The following POLR1H variants were observed in gnomAD, a reference collection of about 807,000 sequenced individuals.
The protein encoded by POLR1H is RNA polymerase I subunit H.
A neutral mutation model predicts 15.8 loss-of-function variants in POLR1H; 5 were observed. The ratio of observed to expected loss-of-function variants is 0.32; its 90% CI spans 0.17 to 0.67. The LOEUF (loss-of-function observed/expected upper bound fraction) is 0.67. Among genes scored for constraint, POLR1H ranks in the 30% least tolerant of loss-of-function variants. The probability of loss-of-function intolerance (pLI) is 0.74; values close to 1 mark genes in which losing one functional copy is unlikely to be tolerated. For synonymous variants in POLR1H, 43 were observed against 58.3 expected (o/e 0.74, Z 1.20); for missense variants, 100 against 163.4 (o/e 0.61, Z 2.11).
Position 30,064,694 on chromosome 6 carries a change from T to C in POLR1H, c.378T>C (p.Ser126=), listed in dbSNP as rs1765368809. Residue 126 remains serine, a synonymous_variant, in exon 4 of 4, where the codon TCT becomes TCC. Coordinates refer to ENST00000332435, the MANE Select transcript of POLR1H (RefSeq NM_170783.4). Reference sequence around the variant, plus strand: ...ATAGGTTCCAGGAGAAGGAAGACTCTTGACCTTTTTCCTGGGCAACTCTAC... The same window carrying C: ...ATAGGTTCCAGGAGAAGGAAGACTCCTGACCTTTTTCCTGGGCAACTCTAC... ...TNCKFQEKED[S] The C allele has an allele frequency of 6.2e-7, 1 of 1,609,300 alleles. No individual in the cohort carries two copies. The highest frequency in any genetic ancestry group is 8.5e-7 in the Non-Finnish European group (1 of 1,178,714).
In POLR1H at chr6:30,061,361, C is replaced by G; in HGVS notation, c.-164C>G. 1 of 719,414 alleles carries G rather than the reference C, an allele frequency of 1.4e-6. No individual in the cohort carries two copies. Among genetic ancestry groups the G allele is most frequent in the Non-Finnish European group, 2.2e-6 (1 of 446,228 alleles). 44.6% of individuals were successfully genotyped at this position (719,414 alleles called of 1,614,324 possible). The stretch of plus-strand genomic sequence containing the variant: ...TAGTACCCGACGCTGTCTGGGAATT[C>G]CGGGCGTTTCGGCTCCTTGGTCGCA... On this transcript the variant is annotated 5_prime_UTR_variant, in exon 1 of 4. Transcript: ENST00000332435. This position sits in a 1 kb window ranked among gnomAD's most constrained non-coding sequence, Gnocchi z 5.0.
At position 30,062,375 on chromosome 6, in the gene POLR1H, A is replaced by G. The variant is rs769872721; in HGVS notation, c.356+42A>G. ...CTCCCTCTGCTCAGTCTGTTTGCTA[A>G]CTAAACAAATCCAGTGATTTATTTT... On this transcript the variant is annotated intron_variant, in intron 3 of 3. Coordinates refer to ENST00000332435, the MANE Select transcript of POLR1H (RefSeq NM_170783.4). 5 of 1,353,800 alleles carry G rather than the reference A, an allele frequency of 3.7e-6. No homozygotes were observed. The East Asian group carries it at 6.9e-5, about 19-fold the overall frequency. The allele number at this position is 1,353,800 out of a possible 1,614,324, so 83.9% of individuals were successfully genotyped here.
chr6:30,063,441 A>G lies in POLR1H; in HGVS notation c.356+1108A>G, dbSNP rs1226539297. Among the ~76,000 whole-genome samples, 1 of 151,490 alleles carries G rather than the reference A, an allele frequency of 6.6e-6. No individual in the cohort carries two copies. The highest frequency in any genetic ancestry group is 2.4e-5 in the African/African-American group (1 of 41,332). ...TTGTTATTATTTTGAGTTCTATTTA[A>G]TTACTTTTCAAATCTCCTTAATTTT... On this transcript the variant is annotated intron_variant, in intron 3 of 3. Coordinates refer to ENST00000332435, the MANE Select transcript of POLR1H (RefSeq NM_170783.4). The surrounding 1 kb of genome is among the most constrained non-coding windows in gnomAD (Gnocchi z 4.1).
chr6:30,062,076 T>A (rs1254625516), intron 2 of POLR1H, 59 bp downstream of exon 2: 14 of 1,536,914 alleles, frequency 9.1e-6, no homozygotes, highest in Non-Finnish European at 9.0e-7. Flanking sequence ...AATGGAGGAG[T>A]GATTGCAAAG....
chr6:30,061,329 A>G lies in POLR1H; in HGVS notation c.-196A>G, dbSNP rs1765031778. 1.0e-5 allele frequency: 6 copies of G among 572,838 alleles called. No homozygotes were observed. Among genetic ancestry groups the G allele is most frequent in the Non-Finnish European group, 1.8e-5 (6 of 334,910 alleles). 35.5% of individuals were successfully genotyped at this position (572,838 alleles called of 1,614,324 possible). A position where few individuals can be genotyped will look rare whatever the true frequency, so the allele number is the denominator to read the frequency against. Reference sequence around the variant, plus strand: ...TCACCGGCCCCTGGAAAGGGTTCCAAGTCCTTTAGTACCCGACGCTGTCTG... The same window carrying G: ...TCACCGGCCCCTGGAAAGGGTTCCAGGTCCTTTAGTACCCGACGCTGTCTG... On this transcript the variant is annotated 5_prime_UTR_variant, in exon 1 of 4. Coordinates refer to ENST00000332435, the MANE Select transcript of POLR1H (RefSeq NM_170783.4). The surrounding 1 kb of genome is among the most constrained non-coding windows in gnomAD (Gnocchi z 5.0).
intron 2 of POLR1H, 55 bp from the exon 3 acceptor site, chr6:30,062,169 T>C: frequency 6.7e-7 from 1 of 1,502,008 alleles, no homozygotes; most frequent in Non-Finnish European, 9.3e-7. Context: ...GCCTGATTCC[T>C]GTGGGAAGTA....
In POLR1H at chr6:30,062,213, T is replaced by C. The variant is rs747069882; in HGVS notation, c.247-11T>C. On this transcript the variant is annotated splice_polypyrimidine_tract_variant and intron_variant, in intron 2 of 3. Coordinates refer to ENST00000332435, the MANE Select transcript of POLR1H (RefSeq NM_170783.4). ...TGACCAGGCCTCCCTAACCCACCAG[T>C]TTCTTCCCAGGTTGACAGGCGCTGC... The C allele has an allele frequency of 6.2e-7, 1 of 1,609,896 alleles. No homozygotes were observed. The highest frequency in any genetic ancestry group is 1.7e-5 in the Admixed American group (1 of 60,004).
Position 30,061,871 on chromosome 6 carries a change from G to C in POLR1H, c.146-46G>C. On this transcript the variant is annotated intron_variant, in intron 1 of 3. Coordinates refer to ENST00000332435, the MANE Select transcript of POLR1H (RefSeq NM_170783.4). The surrounding 1 kb of genome is among the most constrained non-coding windows in gnomAD (Gnocchi z 5.0). ...GGGAAAGGGGAGGTTTCCGGTGTCA[G>C]CTCTCTCTGGTTGTCTCCATAACCA... 2 of 1,598,788 alleles carry C rather than the reference G, an allele frequency of 1.3e-6. No individual in the cohort carries two copies. Among genetic ancestry groups the C allele is most frequent in the Non-Finnish European group, 1.7e-6 (2 of 1,167,688 alleles).
chr6:30,064,877 A>C lies in POLR1H; in HGVS notation c.*180A>C. The C allele has an allele frequency of 2.3e-6, 1 of 436,114 alleles. No homozygotes were observed. The highest frequency in any genetic ancestry group is 6.1e-5 in the South Asian group (1 of 16,472). 27.0% of individuals were successfully genotyped at this position (436,114 alleles called of 1,614,324 possible). A position where few individuals can be genotyped will look rare whatever the true frequency, so the allele number is the denominator to read the frequency against. On this transcript the variant is annotated 3_prime_UTR_variant, in exon 4 of 4. Transcript: ENST00000332435. ...CTCCTACCCTTAGTTGAATTTCCTTATTAAAGTTATATTTTTCTATAAGAC... is the reference window on the plus strand; with the variant it reads ...CTCCTACCCTTAGTTGAATTTCCTTCTTAAAGTTATATTTTTCTATAAGAC...
In POLR1H at chr6:30,063,074, G is replaced by C. The variant is rs570544331; in HGVS notation, c.356+741G>C. On this transcript the variant is annotated intron_variant, in intron 3 of 3. Transcript: ENST00000332435. This position sits in a 1 kb window ranked among gnomAD's most constrained non-coding sequence, Gnocchi z 4.1. Reference sequence around the variant, plus strand: ...TCATTTTTGTCTTTGGTGTTCTGCAGTCACTATAGTATATCAAAATACGAT... The same window carrying C: ...TCATTTTTGTCTTTGGTGTTCTGCACTCACTATAGTATATCAAAATACGAT... 6.6e-6 allele frequency among the ~76,000 whole-genome samples: 1 copy of C among 152,200 alleles called. No homozygotes were observed. Among genetic ancestry groups the C allele is most frequent in the South Asian group, 2.1e-4 (1 of 4,826 alleles).
chr6:30,064,480 C>T lies in POLR1H; in HGVS notation c.357-193C>T, dbSNP rs370440253. Among the ~76,000 whole-genome samples the T allele has an allele frequency of 2.6e-4, 39 of 151,658 alleles. 1 individual carries two copies. In the East Asian group the frequency reaches 3.5e-3, roughly 14 times the overall value. ...AGAAATCTTTGCTTTGAGGTTATAA[C>T]TCATTGGATATATTTTTAATCCCAG... On this transcript the variant is annotated intron_variant, in intron 3 of 3. Coordinates refer to ENST00000332435, the MANE Select transcript of POLR1H (RefSeq NM_170783.4).
chr6:30,064,292 CAAA>C (rs372351529), intron 3 of POLR1H, among the ~76,000 whole-genome samples: 33 of 144,054 alleles, frequency 2.3e-4, no homozygotes, highest in African/African-American at 7.1e-4. Flanking sequence ...GTCATTTTAC[CAAA>C]AAAAAAAAAA....
In POLR1H at chr6:30,062,286, T is replaced by A. The variant is rs778669782; in HGVS notation, c.309T>A (p.Arg103=). The A allele has an allele frequency of 6.2e-6, 10 of 1,612,984 alleles. No homozygotes were observed. The highest frequency in any genetic ancestry group is 1.3e-5 in the African/African-American group (1 of 74,924). Residue 103 remains arginine (R), a synonymous_variant, in exon 3 of 4, where the codon CGT becomes CGA. Coordinates refer to ENST00000332435, the MANE Select transcript of POLR1H (RefSeq NM_170783.4). ...TGGCATACCACACCAGACAGATGCG[T>A]TCAGCCGATGAAGGGCAAACTGTCT... ...EGMAYHTRQM[R]SADEGQTVFY... is the part of the protein sequence containing the mutation.
Position 30,062,279 on chromosome 6 carries a change from A to G in POLR1H, c.302A>G (p.Gln101Arg). The change falls in exon 3 of 4, where the codon CAG (glutamine) becomes CGG (arginine). Residue 101 changes from glutamine (Q) to arginine (R), a missense_variant. Gln to Arg is a conservative substitution (Grantham distance 43). This residue lies in a region of POLR1H where 13 missense variants were observed against 43.6 expected (regional missense o/e 0.30). Transcript: ENST00000332435. ...GHEGMAYHTR[Q>R]MRSADEGQTV... Reference sequence around the variant, plus strand: ...GAAGGAATGGCATACCACACCAGACAGATGCGTTCAGCCGATGAAGGGCAA... The same window carrying G: ...GAAGGAATGGCATACCACACCAGACGGATGCGTTCAGCCGATGAAGGGCAA... 6.2e-7 allele frequency: 1 copy of G among 1,613,126 alleles called. No homozygotes were observed.
intron 3 of POLR1H, among the ~76,000 whole-genome samples, chr6:30,064,063 A>G (rs1387538715): frequency 3.9e-5 from 6 of 152,066 alleles, no homozygotes; most frequent in Non-Finnish European, 7.4e-5. Context: ...CTCATTTCCT[A>G]TGCTTCCAGT....
intron 3 of POLR1H, among the ~76,000 whole-genome samples, chr6:30,062,978 G>T (rs1471486133): frequency 2.0e-5 from 3 of 151,732 alleles, no homozygotes; most frequent in Admixed American, 2.0e-4. Flanking sequence ...CGCAGTCAAG[G>T]TAGCTTTCTT....
chr6:30,061,470 G>A lies in POLR1H; in HGVS notation c.-55G>A. On this transcript the variant is annotated 5_prime_UTR_variant, in exon 1 of 4. Transcript: ENST00000332435. This position sits in a 1 kb window ranked among gnomAD's most constrained non-coding sequence, Gnocchi z 5.0. Reference sequence around the variant, plus strand: ...AGAATAGTTACGACCTCTGGGACAGGAACTCTTCTCTCTTTTGTTAATAAA... The same window carrying A: ...AGAATAGTTACGACCTCTGGGACAGAAACTCTTCTCTCTTTTGTTAATAAA... 2 of 1,595,846 alleles carry A rather than the reference G, an allele frequency of 1.3e-6. No individual in the cohort carries two copies. The highest frequency in any genetic ancestry group is 8.6e-7 in the Non-Finnish European group (1 of 1,167,568).
chr6:30,061,660 A>G lies in POLR1H; in HGVS notation c.136A>G (p.Asn46Asp), dbSNP rs745455354. 6.2e-6 allele frequency: 10 copies of G among 1,612,842 alleles called. No homozygotes were observed. The highest frequency in any genetic ancestry group is 8.5e-6 in the Non-Finnish European group (10 of 1,180,006). ...CTGTATTCGCTGTGGCTTCAACATCAACGTTCGGGGTGAGAGGCTTGTACG... is the reference window on the plus strand; with the variant it reads ...CTGTATTCGCTGTGGCTTCAACATCGACGTTCGGGGTGAGAGGCTTGTACG... ...VTCIRCGFNI[N>D]VRDFEGKVVK... Residue 46 changes from asparagine (N) to aspartate (D), a missense_variant, in exon 1 of 4, where the codon AAC (asparagine) becomes GAC (aspartate). By Grantham distance (23) the Asn-to-Asp change is conservative. Coordinates refer to ENST00000332435, the MANE Select transcript of POLR1H (RefSeq NM_170783.4). The surrounding 1 kb of genome is among the most constrained non-coding windows in gnomAD (Gnocchi z 5.0).
chr6:30,064,613 T>G, intron 3 of POLR1H, 60 bp from the exon 4 acceptor site: 1 of 1,510,420 alleles, frequency 6.6e-7, no homozygotes. Flanking sequence ...GCATATCTTA[T>G]CTTATACTAC....
Sources: gnomAD v4.1 joint callset for allele counts (sites outside exome capture counted in the v4.1 genomes callset) on GRCh38, gnomAD v4.1.1 for gene constraint, gnomAD v4.1.1 regional missense constraint, Gnocchi (gnomAD v3.1) non-coding constraint, MANE v1.5 for transcripts, NCBI Gene and HGNC (gene_info 2026-07-23, HGNC 2026-07-21) for gene names.